Variants in TAFA1 observed in about 807,000 individuals in gnomAD.
The protein encoded by TAFA1 is chemokine-like protein TAFA-1.
TAFA1 carries 4 observed loss-of-function variants against 18.5 expected under a neutral mutation model. The observed-to-expected ratio is 0.22, with a 90% CI of 0.11 to 0.49. TAFA1 has a LOEUF of 0.49. Ranked by LOEUF, TAFA1 falls within the 20% of genes least tolerant of loss-of-function variation. The probability of loss-of-function intolerance (pLI) is 0.98; values close to 1 mark genes in which losing one functional copy is unlikely to be tolerated. For synonymous variants in TAFA1, 56 were observed against 55.2 expected, an observed-to-expected ratio of 1.01 and a Z score of -0.06; for missense variants, 147 against 169.0, an observed-to-expected ratio of 0.87 and a Z score of 0.72.
At chr3:68,443,488 A>C (rs796994766) in intron 3 of TAFA1, among the ~76,000 whole-genome samples, 28 of 143,372 alleles carry the variant, frequency 2.0e-4, no homozygotes, top group South Asian at 7.2e-4. Context: ...AAAAAAAAAA[A>C]AAAAAAAACA....
Position 68,262,263 on chromosome 3 carries a change from AT to A in TAFA1, c.119-155005del, listed in dbSNP as rs202076662. On this transcript the variant is annotated intron_variant, in intron 2 of 4. Transcript: ENST00000478136. ...CCAAACCCTAAGTCCTGGGTTTAGG[AT>A]TTTTTTTTTTTAAATTTTCAGCTTT... Among the ~76,000 whole-genome samples the A allele has an allele frequency of 1.3e-3, 139 of 110,202 alleles. 1 individual carries two copies. The highest frequency in any genetic ancestry group is 3.2e-3 in the African/African-American group (93 of 29,150). The allele number at this position is 110,202 out of a possible 152,430, so 72.3% of individuals were successfully genotyped here.
At chr3:68,340,098 A>T (rs1199588208) in intron 2 of TAFA1, among the ~76,000 whole-genome samples, 1 of 152,214 alleles carries the variant, frequency 6.6e-6, no homozygotes, top group Non-Finnish European at 1.5e-5. Flanking sequence ...AAAAACTAGT[A>T]TGAAAATATG....
At chr3:68,125,070 G>T (rs962033323) in intron 2 of TAFA1, among the ~76,000 whole-genome samples, 2 of 152,222 alleles carry the variant, frequency 1.3e-5, no homozygotes, top group East Asian at 1.9e-4. Context: ...GAAGGTGGAA[G>T]AAATGCTCAG....
chr3:68,247,027 A>G (rs2067094690), intron 2 of TAFA1: 1 of 152,150 alleles, frequency 6.6e-6, no homozygotes, highest in Admixed American at 6.5e-5. Flanking sequence ...AGAAATGACT[A>G]CATATAATAA....
At chr3:68,242,104 A>T (rs1235876645) in intron 2 of TAFA1, among the ~76,000 whole-genome samples, 21 of 152,164 alleles carry the variant, frequency 1.4e-4, no homozygotes, top group Non-Finnish European at 1.3e-4. Flanking sequence ...AGCAAGATGC[A>T]TATACTTTAC....
chr3:68,391,353 A>G (rs1352628435), intron 2 of TAFA1, among the ~76,000 whole-genome samples: 1 of 152,196 alleles, frequency 6.6e-6, no homozygotes, highest in Non-Finnish European at 1.5e-5. Flanking sequence ...TCCAAGAAAC[A>G]TGGGACTATG....
intron 2 of TAFA1, among the ~76,000 whole-genome samples, chr3:68,209,569 G>T (rs138681107): frequency 6.6e-6 from 1 of 152,102 alleles, no homozygotes; most frequent in African/African-American, 2.4e-5. Context: ...TCTCCCACAT[G>T]CATTATTACA....
chr3:68,023,379 G>T (rs1401477264), intron 2 of TAFA1, among the ~76,000 whole-genome samples: 1 of 152,136 alleles, frequency 6.6e-6, no homozygotes, highest in Non-Finnish European at 1.5e-5. Flanking sequence ...GGAGAGTTTT[G>T]TAGGTTCAAC....
Position 68,145,354 on chromosome 3 carries a change from C to T in TAFA1, c.118+138610C>T, listed in dbSNP as rs61737054. 236 of 812,482 alleles carry T rather than the reference C, an allele frequency of 2.9e-4. No homozygotes were observed. In the African/African-American group the frequency reaches 3.2e-3, roughly 11 times the overall value. The allele number at this position is 812,482 out of a possible 1,614,324, so 50.3% of individuals were successfully genotyped here. A position where few individuals can be genotyped will look rare whatever the true frequency, so the allele number is the denominator to read the frequency against. ...TTAGAGATGCAACAAGGAGACGCAC[C>T]TTTGCCCTGGTCTCTCAAGCATATA... On this transcript the variant is annotated intron_variant, in intron 2 of 4. Transcript: ENST00000478136.
intron 2 of TAFA1, among the ~76,000 whole-genome samples, chr3:68,300,682 T>A (rs534441474): frequency 1.3e-5 from 2 of 152,120 alleles, no homozygotes; most frequent in Non-Finnish European, 2.9e-5. Flanking sequence ...TGAATTGTAA[T>A]CCCCATAATC....
intron 3 of TAFA1, among the ~76,000 whole-genome samples, chr3:68,438,982 C>T (rs893736981): frequency 4.6e-5 from 7 of 152,082 alleles, no homozygotes; most frequent in African/African-American, 9.7e-5. Context: ...TTCCTAGCCC[C>T]CTGGGCCTGT....
chr3:68,490,632 C>T (rs190967483), intron 3 of TAFA1, among the ~76,000 whole-genome samples: 1 of 152,058 alleles, frequency 6.6e-6, no homozygotes, highest in East Asian at 1.9e-4. Context: ...TAAAATAAGC[C>T]ACTCTTCTTG....
At chr3:68,473,086 T>C (rs1205481473) in intron 3 of TAFA1, among the ~76,000 whole-genome samples, 1 of 152,148 alleles carries the variant, frequency 6.6e-6, no homozygotes, top group Non-Finnish European at 1.5e-5. Flanking sequence ...AGTGATTGAT[T>C]TTCAGAGGAA....
At chr3:68,433,432 T>C (rs2071215039) in intron 3 of TAFA1, among the ~76,000 whole-genome samples, 1 of 152,088 alleles carries the variant, frequency 6.6e-6, no homozygotes, top group Non-Finnish European at 1.5e-5. Context: ...CTAATCTAAG[T>C]CCTCCTGTTG....
chr3:68,331,441 G>C (rs913589005), intron 2 of TAFA1, among the ~76,000 whole-genome samples: 1 of 152,130 alleles, frequency 6.6e-6, no homozygotes, highest in African/African-American at 2.4e-5. Context: ...ATATTGTATA[G>C]TTCAGGCATA....
intron 2 of TAFA1, among the ~76,000 whole-genome samples, chr3:68,370,286 CAAAAAAAAAAAAAAAAAAAA>C (rs71618234): frequency 4.6e-4 from 5 of 10,854 alleles, no homozygotes; most frequent in Non-Finnish European, 7.2e-4. Context: ...GACCCCATCT[CAAAAAAAAAAAAAAAAAAAA>C]AAAAAAAAAA....
chr3:68,084,076 A>G (rs1237596944), intron 2 of TAFA1, among the ~76,000 whole-genome samples: 1 of 152,088 alleles, frequency 6.6e-6, no homozygotes, highest in Non-Finnish European at 1.5e-5. Context: ...CTGGCTGGCT[A>G]ATTGGCTGGG....
chr3:68,022,809 T>TTATA, intron 2 of TAFA1, among the ~76,000 whole-genome samples: 1 of 117,490 alleles, frequency 8.5e-6, no homozygotes, highest in East Asian at 2.2e-4. Context: ...TGTATAAGAT[T>TTATA]TATATATATA....
intron 2 of TAFA1, among the ~76,000 whole-genome samples, chr3:68,037,916 C>T (rs542768169): frequency 1.8e-4 from 28 of 152,102 alleles, no homozygotes; most frequent in African/African-American, 2.7e-4. Context: ...AAATTGTGTG[C>T]GTGCTCTCTC....
Sources: gnomAD v4.1 joint callset for allele counts (sites outside exome capture counted in the v4.1 genomes callset) on GRCh38, gnomAD v4.1.1 for gene constraint, MANE v1.5 for transcripts, NCBI Gene and HGNC (gene_info 2026-07-23, HGNC 2026-07-21) for gene names.